The following NCKAP5 variants were observed in gnomAD, a reference collection of about 807,000 sequenced individuals.
NCKAP5 encodes the protein nck-associated protein 5.
Under a neutral mutation model 167.0 loss-of-function variants are expected in NCKAP5, and 92 were observed. That is an observed-to-expected ratio of 0.55 (90% CI 0.47 to 0.66). NCKAP5 has a LOEUF of 0.66. Ranked by LOEUF, NCKAP5 falls within the 30% of genes least tolerant of loss-of-function variation. The probability of loss-of-function intolerance (pLI) is 0.00; values close to 1 mark genes in which losing one functional copy is unlikely to be tolerated. For missense variants in NCKAP5, 2,378 were observed against 2,315.0 expected, an observed-to-expected ratio of 1.03 and a Z score of -0.56; for synonymous variants, 891 against 877.4, an observed-to-expected ratio of 1.02 and a Z score of -0.27.
chr2:133,302,988 A>G (rs371245694), intron 4 of NCKAP5, 49 bp downstream of exon 4: 4 of 1,288,080 alleles, frequency 3.1e-6, no homozygotes, highest in Admixed American at 1.9e-5. Context: ...CAGCAAAGCT[A>G]TAAAGGATGC....
chr2:133,281,021 G>C (rs1364848827), intron 4 of NCKAP5, among the ~76,000 whole-genome samples: 1 of 152,178 alleles, frequency 6.6e-6, no homozygotes, highest in African/African-American at 2.4e-5. Flanking sequence ...GACACAACTA[G>C]AGCAATTAAA....
intron 3 of NCKAP5, among the ~76,000 whole-genome samples, chr2:133,383,435 G>A (rs1027045441): frequency 2.0e-5 from 3 of 152,180 alleles, no homozygotes; most frequent in Non-Finnish European, 2.9e-5. Context: ...TGGTGTATAT[G>A]TGCCACATTT....
chr2:133,088,714 T>C (rs528880218), intron 6 of NCKAP5, among the ~76,000 whole-genome samples: 1 of 152,124 alleles, frequency 6.6e-6, no homozygotes, highest in East Asian at 1.9e-4. Flanking sequence ...AAGAAAAAAA[T>C]CAATATGCTG....
intron 6 of NCKAP5, among the ~76,000 whole-genome samples, chr2:133,128,945 A>ATTTTT (rs10584100): frequency 7.7e-6 from 1 of 130,090 alleles, no homozygotes; most frequent in Non-Finnish European, 1.6e-5. Context: ...AAACTCACTG[A>ATTTTT]TTTTTTTTTT....
chr2:132,815,395 G>T (rs1224173096), intron 11 of NCKAP5, among the ~76,000 whole-genome samples: 1 of 152,090 alleles, frequency 6.6e-6, no homozygotes, highest in African/African-American at 2.4e-5. Context: ...AAAATTAAGG[G>T]TTTGCTTTGA....
chr2:133,114,692 T>C (rs2149730224), intron 6 of NCKAP5, among the ~76,000 whole-genome samples: 1 of 152,302 alleles, frequency 6.6e-6, no homozygotes, highest in South Asian at 2.1e-4. Flanking sequence ...TTTTCCTTCC[T>C]TGTACTTTAT....
At chr2:132,794,289 GAGAGAGAGAGAGAGAGA>G (rs1684373041) in intron 12 of NCKAP5, among the ~76,000 whole-genome samples, 2 of 121,270 alleles carry the variant, frequency 1.6e-5, no homozygotes, top group African/African-American at 5.8e-5. Context: ...GAGAGAGAGA[GAGAGAGAGAGAGAGAGA>G]GGGTGGCGGG....
At chr2:132,684,743 A>T (rs973087151) in intron 19 of NCKAP5, among the ~76,000 whole-genome samples, 1 of 152,194 alleles carries the variant, frequency 6.6e-6, no homozygotes, top group Non-Finnish European at 1.5e-5. Context: ...GTTGTGTGAC[A>T]TGGCAAGAAG....
chr2:133,255,086 T>C (rs557179762), intron 4 of NCKAP5, among the ~76,000 whole-genome samples: 1 of 152,150 alleles, frequency 6.6e-6, no homozygotes, highest in Non-Finnish European at 1.5e-5. Context: ...TTGTGGTGGT[T>C]GTCAGAATAA....
intron 19 of NCKAP5, among the ~76,000 whole-genome samples, chr2:132,697,240 C>T (rs986951397): frequency 1.1e-4 from 16 of 152,212 alleles, no homozygotes; most frequent in Non-Finnish European, 2.4e-4. Context: ...CTTGGAGGAG[C>T]TGGTCCTCAG....
intron 8 of NCKAP5, among the ~76,000 whole-genome samples, chr2:132,948,339 G>A (rs1208252407): frequency 6.6e-6 from 1 of 152,080 alleles, no homozygotes; most frequent in East Asian, 1.9e-4. Flanking sequence ...TTGGTTATGT[G>A]CAGAGAACAG....
At chr2:133,271,775 TA>T (rs1162364211) in intron 4 of NCKAP5, among the ~76,000 whole-genome samples, 1 of 152,190 alleles carries the variant, frequency 6.6e-6, no homozygotes, top group Non-Finnish European at 1.5e-5. Context: ...TATTAGCTGA[TA>T]TAATAGAATT....
chr2:132,744,215 A>G (rs2105615473), intron 16 of NCKAP5, among the ~76,000 whole-genome samples: 1 of 151,854 alleles, frequency 6.6e-6, no homozygotes, highest in South Asian at 2.1e-4. Flanking sequence ...TCTACCCATC[A>G]AGGGCAGAAT....
intron 11 of NCKAP5, among the ~76,000 whole-genome samples, chr2:132,831,953 A>G (rs1374738): frequency 0.088 from 13,334 of 152,108 alleles, 914 homozygotes; most frequent in African/African-American, 0.19. Context: ...TTGATTTAAA[A>G]TAATATCTCT....
rs115161510 is a variant in NCKAP5, at chr2:132,828,982, C to T, written c.807+31510G>A. ...AATATGGTGATGTCAGCTCAACTGT[C>T]GGCTAGGAGACTCAGCATCTTACAA... On this transcript the variant is annotated intron_variant, in intron 11 of 19. Transcript: ENST00000409261. Among the ~76,000 whole-genome samples, 693 of 152,168 alleles carry T rather than the reference C, an allele frequency of 4.6e-3. 8 individuals carry two copies. The highest frequency in any genetic ancestry group is 7.7e-3 in the Non-Finnish European group (521 of 68,006).
At chr2:132,964,694 A>T (rs1456875476) in intron 7 of NCKAP5, among the ~76,000 whole-genome samples, 1 of 152,160 alleles carries the variant, frequency 6.6e-6, no homozygotes, top group African/African-American at 2.4e-5. Context: ...AATTCTAAAC[A>T]CAATGCTGCA....
In NCKAP5 at chr2:133,189,598, G is replaced by A. The variant is rs2150071902; in HGVS notation, c.207+24118C>T. ...AAGCTTATCCACCACGATCAAGTTG[G>A]TTTCACCCCTGGGATGCAAGGCTGG... On this transcript the variant is annotated intron_variant, in intron 5 of 19. Coordinates refer to ENST00000409261, the MANE Select transcript of NCKAP5 (RefSeq NM_207363.3). Among the ~76,000 whole-genome samples, 3 of 152,224 alleles carry A rather than the reference G, an allele frequency of 2.0e-5. No individual in the cohort carries two copies. In the South Asian group the frequency reaches 6.2e-4, roughly 32 times the overall value.
At chr2:133,450,577 T>G in intron 3 of NCKAP5, among the ~76,000 whole-genome samples, 1 of 152,378 alleles carries the variant, frequency 6.6e-6, no homozygotes, top group Admixed American at 6.5e-5. Flanking sequence ...TACATTTATT[T>G]CTTTTAAATC....
At chr2:133,105,713 C>T (rs1430086265) in intron 6 of NCKAP5, among the ~76,000 whole-genome samples, 1 of 152,148 alleles carries the variant, frequency 6.6e-6, no homozygotes, top group Non-Finnish European at 1.5e-5. Context: ...TCAGTGAGTG[C>T]CGAGTGGTGT....
Sources: gnomAD v4.1 joint callset for allele counts (sites outside exome capture counted in the v4.1 genomes callset) on GRCh38, gnomAD v4.1.1 for gene constraint, MANE v1.5 for transcripts, NCBI Gene and HGNC (gene_info 2026-07-23, HGNC 2026-07-21) for gene names.